UBE2E3: variants seen among roughly 807,000 people sequenced by gnomAD.
UBE2E3 encodes ubiquitin-conjugating enzyme E2 E3.
UBE2E3 carries 5 observed loss-of-function variants against 23.6 expected under a neutral mutation model. The observed-to-expected ratio is 0.21, with a 90% CI of 0.11 to 0.44. The LOEUF is 0.44. UBE2E3 is among the 20% of genes least tolerant of loss of function. UBE2E3 has a pLI of 0.99. For synonymous variants in UBE2E3, 78 were observed against 87.5 expected, an observed-to-expected ratio of 0.89 and a Z score of 0.60; for missense variants, 81 against 249.8, an observed-to-expected ratio of 0.32 and a Z score of 4.55.
At chr2:180,985,957 A>G (rs1050488951) in intron 3 of UBE2E3, among the ~76,000 whole-genome samples, 1 of 152,092 alleles carries the variant, frequency 6.6e-6, no homozygotes, top group African/African-American at 2.4e-5. Flanking sequence ...TGTTTCCTCA[A>G]GGTCACTGAG....
At chr2:181,038,483 T>A (rs1175710165) in intron 3 of UBE2E3, among the ~76,000 whole-genome samples, 1 of 152,190 alleles carries the variant, frequency 6.6e-6, no homozygotes, top group Non-Finnish European at 1.5e-5. Flanking sequence ...TCAAAATGGG[T>A]CATTGACCTA....
chr2:181,036,449 G>T (rs570545657), intron 3 of UBE2E3, among the ~76,000 whole-genome samples: 1 of 152,218 alleles, frequency 6.6e-6, no homozygotes, highest in African/African-American at 2.4e-5. Context: ...TCCTGGCAGG[G>T]GCCATTGTGT....
At chr2:181,054,670 A>G (rs1686937796) in intron 3 of UBE2E3, among the ~76,000 whole-genome samples, 1 of 151,768 alleles carries the variant, frequency 6.6e-6, no homozygotes, top group Non-Finnish European at 1.5e-5. Flanking sequence ...TTTCTCCAAG[A>G]CTGTTGCCTG....
intron 3 of UBE2E3, among the ~76,000 whole-genome samples, chr2:181,025,122 A>C (rs531499917): frequency 5.3e-4 from 80 of 152,090 alleles, no homozygotes; most frequent in African/African-American, 1.9e-3. Context: ...AAAAAATACC[A>C]AATAATTTAT....
chr2:181,030,211 T>C (rs766002175), intron 3 of UBE2E3, among the ~76,000 whole-genome samples: 14 of 152,146 alleles, frequency 9.2e-5, no homozygotes, highest in Non-Finnish European at 1.9e-4. Context: ...CATTGGGCAT[T>C]AAATTTTAAT....
intron 3 of UBE2E3, among the ~76,000 whole-genome samples, chr2:180,988,383 T>G (rs1296342292): frequency 1.3e-5 from 2 of 152,134 alleles, no homozygotes; most frequent in Non-Finnish European, 2.9e-5. Context: ...AAAAAGAAAA[T>G]TAGCCTAAAA....
intron 3 of UBE2E3, among the ~76,000 whole-genome samples, chr2:181,012,602 T>C (rs1401189621): frequency 2.0e-5 from 3 of 152,204 alleles, no homozygotes; most frequent in Non-Finnish European, 2.9e-5. Flanking sequence ...AGTAATCTCT[T>C]TGTTATCTAT....
chr2:180,983,208 CATAA>C (rs1230683357), intron 2 of UBE2E3, among the ~76,000 whole-genome samples: 7 of 152,114 alleles, frequency 4.6e-5, no homozygotes, highest in Admixed American at 2.6e-4. Flanking sequence ...TGTGGTGATT[CATAA>C]ATACTCATAT....
intron 3 of UBE2E3, among the ~76,000 whole-genome samples, chr2:181,033,660 A>G (rs1686163109): frequency 6.6e-6 from 1 of 152,222 alleles, no homozygotes; most frequent in Non-Finnish European, 1.5e-5. Flanking sequence ...CAATGGCAAC[A>G]AAAGCCAAAA....
At chr2:181,002,589 CAAAG>C (rs1455757501) in intron 3 of UBE2E3, among the ~76,000 whole-genome samples, 1 of 151,984 alleles carries the variant, frequency 6.6e-6, no homozygotes, top group Non-Finnish European at 1.5e-5. Context: ...GAATTTAAAA[CAAAG>C]GAAATGAATT....
intron 3 of UBE2E3, among the ~76,000 whole-genome samples, chr2:181,006,520 C>T (rs1022361921): frequency 6.6e-6 from 1 of 151,704 alleles, no homozygotes; most frequent in African/African-American, 2.4e-5. Flanking sequence ...ATAAGTATGT[C>T]CCAAATGTAC....
chr2:181,003,476 C>G (rs768917081), intron 3 of UBE2E3, among the ~76,000 whole-genome samples: 1 of 152,060 alleles, frequency 6.6e-6, no homozygotes, highest in Non-Finnish European at 1.5e-5. Flanking sequence ...GGGGGGATGA[C>G]GCTGTCTCAA....
intron 3 of UBE2E3, among the ~76,000 whole-genome samples, chr2:180,992,813 C>T (rs919119414): frequency 2.6e-5 from 4 of 151,398 alleles, no homozygotes; most frequent in African/African-American, 9.7e-5. Flanking sequence ...AGGCATGTGC[C>T]ACCACACTCA....
chr2:181,034,429 A>G (rs1484971042), intron 3 of UBE2E3, among the ~76,000 whole-genome samples: 1 of 152,262 alleles, frequency 6.6e-6, no homozygotes, highest in African/African-American at 2.4e-5. Context: ...TTGCAAGAAC[A>G]GAAAACCAAA....
intron 3 of UBE2E3, among the ~76,000 whole-genome samples, chr2:180,995,447 G>T (rs1361735361): frequency 4.6e-5 from 7 of 152,122 alleles, no homozygotes; most frequent in Non-Finnish European, 1.0e-4. Flanking sequence ...TGTAATACAT[G>T]TAACATACAA....
At chr2:181,058,668 T>C (rs1179408478) in intron 4 of UBE2E3, among the ~76,000 whole-genome samples, 1 of 151,796 alleles carries the variant, frequency 6.6e-6, no homozygotes, top group African/African-American at 2.4e-5. Flanking sequence ...TTTTGTTCTC[T>C]GTACTTTTAA....
chr2:181,009,298 T>C (rs1285189175), intron 3 of UBE2E3, among the ~76,000 whole-genome samples: 1 of 152,144 alleles, frequency 6.6e-6, no homozygotes, highest in Non-Finnish European at 1.5e-5. Context: ...TTATACTATT[T>C]ATCTATAAAA....
At chr2:181,018,493 A>G (rs1294392632) in intron 3 of UBE2E3, among the ~76,000 whole-genome samples, 1 of 151,774 alleles carries the variant, frequency 6.6e-6, no homozygotes, top group African/African-American at 2.4e-5. Context: ...AGTGCAGTTA[A>G]TCTATTCTTG....
At chr2:181,041,230 GTC>G (rs150798195) in intron 3 of UBE2E3, among the ~76,000 whole-genome samples, 19,629 of 75,158 alleles carry the variant, frequency 0.26, 2,469 homozygotes, top group Non-Finnish European at 0.3. Flanking sequence ...GCAAGACTCC[GTC>G]TCAAAAAAAA....
Sources: gnomAD v4.1 joint callset for allele counts (sites outside exome capture counted in the v4.1 genomes callset) on GRCh38, gnomAD v4.1.1 for gene constraint, MANE v1.5 for transcripts, NCBI Gene and HGNC (gene_info 2026-07-23, HGNC 2026-07-21) for gene names.